Variants in CPEB3 observed in about 807,000 individuals in gnomAD.
CPEB3 encodes the protein cytoplasmic polyadenylation element-binding protein 3.
In CPEB3, 20 loss-of-function variants were observed where a neutral mutation model predicts 67.2. The observed-to-expected ratio is 0.30, with a 90% CI of 0.21 to 0.43. CPEB3 has a LOEUF of 0.43. Ranked by LOEUF, CPEB3 falls within the 20% of genes least tolerant of loss-of-function variation. CPEB3 has a pLI of 1.00. For synonymous variants in CPEB3, 376 were observed against 393.1 expected (o/e 0.96, Z 0.51); for missense variants, 746 against 968.6 (o/e 0.77, Z 3.05).
chr10:92,291,027 C>T lies in CPEB3; in HGVS notation c.-113G>A. On this transcript the variant is annotated 5_prime_UTR_variant, in exon 1 of 10. Coordinates refer to ENST00000265997, the MANE Select transcript of CPEB3 (RefSeq NM_014912.5). ...GAGGAAGGAAACGGGAGGGCGCCGGCCAGACGGCGGCAGGCGCGGAGGCGT... is the reference window on the plus strand; with the variant it reads ...GAGGAAGGAAACGGGAGGGCGCCGGTCAGACGGCGGCAGGCGCGGAGGCGT... 1 of 170,460 alleles carries T rather than the reference C, an allele frequency of 5.9e-6. No individual in the cohort carries two copies. Among genetic ancestry groups the T allele is most frequent in the Non-Finnish European group, 1.3e-5 (1 of 79,488 alleles). The allele number at this position is 170,460 out of a possible 1,614,324, so 10.6% of individuals were successfully genotyped here.
chr10:92,268,717 G>A (rs1853169803), intron 1 of CPEB3, among the ~76,000 whole-genome samples: 3 of 151,958 alleles, frequency 2.0e-5, no homozygotes. Flanking sequence ...TTTAATTTGG[G>A]TACATTTTTG....
At chr10:92,086,300 C>G (rs1284857981) in intron 8 of CPEB3, among the ~76,000 whole-genome samples, 1 of 152,194 alleles carries the variant, frequency 6.6e-6, no homozygotes, top group African/African-American at 2.4e-5. Flanking sequence ...CCACAATTGT[C>G]AAGTTGGTTC....
At chr10:92,100,972 T>C (rs923871818) in intron 7 of CPEB3, among the ~76,000 whole-genome samples, 1 of 152,332 alleles carries the variant, frequency 6.6e-6, no homozygotes, top group Admixed American at 6.5e-5. Flanking sequence ...TTCTCTCAGT[T>C]ACAATTTAGT....
intron 4 of CPEB3, among the ~76,000 whole-genome samples, chr10:92,150,256 C>CT (rs1191378027): frequency 0.016 from 2,362 of 144,272 alleles, 45 homozygotes; most frequent in African/African-American, 0.055. Flanking sequence ...CTCTCTCTCT[C>CT]TTTTTTTTTT....
At chr10:92,147,144 G>A (rs768910263) in intron 4 of CPEB3, among the ~76,000 whole-genome samples, 4 of 152,082 alleles carry the variant, frequency 2.6e-5, no homozygotes, top group South Asian at 2.1e-4. Flanking sequence ...AAAAGGCTAC[G>A]AAAAGTTCTA....
intron 5 of CPEB3, among the ~76,000 whole-genome samples, chr10:92,143,680 T>C (rs962908931): frequency 6.6e-6 from 1 of 152,204 alleles, no homozygotes; most frequent in African/African-American, 2.4e-5. Context: ...TATAGATCAA[T>C]ACATTTATAT....
rs75346884 is a variant in CPEB3 at position 92,063,763 on chromosome 10, CAAA to C, written c.1870-11327_1870-11325del. The stretch of plus-strand genomic sequence containing the variant: ...TGGTGACAGAGCGAGACTCAGTATC[CAAA>C]AAAAAAAAAATCAGTCAGATATCTA... On this transcript the variant is annotated intron_variant, in intron 9 of 9. Transcript: ENST00000265997. Among the ~76,000 whole-genome samples, 298 of 135,032 alleles carry C rather than the reference CAAA, an allele frequency of 2.2e-3. 2 individuals carry two copies. The highest frequency in any genetic ancestry group is 7.9e-3 in the African/African-American group (290 of 36,654). The allele number at this position is 135,032 out of a possible 152,430, so 88.6% of individuals were successfully genotyped here.
At chr10:92,074,964 TC>T (rs34577202) in intron 9 of CPEB3, among the ~76,000 whole-genome samples, 41,690 of 151,866 alleles carry the variant, frequency 0.27, 5,820 homozygotes, top group Middle Eastern at 0.33. Flanking sequence ...CTATATATCC[TC>T]CTACTTGATT....
chr10:92,192,815 G>A (rs1245843673), intron 2 of CPEB3, among the ~76,000 whole-genome samples, 179 bp from the exon 3 acceptor site: 4 of 151,980 alleles, frequency 2.6e-5, no homozygotes, highest in African/African-American at 2.4e-5. Flanking sequence ...ATGGGGTCTC[G>A]CTATGTTTCC....
intron 2 of CPEB3, among the ~76,000 whole-genome samples, chr10:92,227,087 T>C (rs891101401): frequency 2.6e-5 from 4 of 152,176 alleles, no homozygotes; most frequent in Admixed American, 6.5e-5. Flanking sequence ...TGAAAACTAA[T>C]AGGCCCCTCC....
At chr10:92,129,862 C>T (rs1272100536) in intron 6 of CPEB3, among the ~76,000 whole-genome samples, 2 of 151,990 alleles carry the variant, frequency 1.3e-5, no homozygotes, top group Non-Finnish European at 2.9e-5. Flanking sequence ...GGCAACAGAG[C>T]AAGACTCTGT....
At chr10:92,180,225 TCAAA>T (rs1848402583) in intron 4 of CPEB3, among the ~76,000 whole-genome samples, 1 of 152,168 alleles carries the variant, frequency 6.6e-6, no homozygotes, top group Non-Finnish European at 1.5e-5. Context: ...TAGAACTTGA[TCAAA>T]CAATTATACT....
chr10:92,172,723 C>T (rs1349739644), intron 4 of CPEB3, among the ~76,000 whole-genome samples: 6 of 152,196 alleles, frequency 3.9e-5, no homozygotes, highest in Non-Finnish European at 5.9e-5. Context: ...CAGTTTCACA[C>T]ACTACTCTAT....
Position 92,089,473 on chromosome 10 carries a change from AT to A in CPEB3, c.1687+2356del, listed in dbSNP as rs1843522138. 2.6e-5 allele frequency among the ~76,000 whole-genome samples: 4 copies of A among 152,222 alleles called. No individual in the cohort carries two copies. The South Asian group carries it at 8.3e-4, about 32-fold the overall frequency. On this transcript the variant is annotated intron_variant, in intron 8 of 9. Transcript: ENST00000265997. ...AAAACAAAACATTTTAAAACAAAAA[AT>A]TTTAGCTTAGTTGAAAAAAAAGAGA...
chr10:92,091,789 G>T, intron 8 of CPEB3, 41 bp downstream of exon 8: 1 of 1,233,820 alleles, frequency 8.1e-7, no homozygotes. Flanking sequence ...GGATTTTGTT[G>T]TTGTTGGTTT....
At chr10:92,216,426 A>T in intron 2 of CPEB3, 4 of 1,612,644 alleles carry the variant, frequency 2.5e-6, no homozygotes, top group African/African-American at 1.3e-5. Context: ...GTCAACCAGA[A>T]CCCCATCGCG....
In CPEB3 at chr10:92,240,148, G is replaced by A; in HGVS notation, c.203C>T (p.Pro68Leu). The change falls in exon 2 of 10, where the codon CCG (proline) becomes CTG (leucine). Residue 68 changes from proline to leucine, a missense_variant. Physicochemically the swap from Pro to Leu is moderately conservative, Grantham distance 98. Coordinates refer to ENST00000265997, the MANE Select transcript of CPEB3 (RefSeq NM_014912.5). ...CGGTGATTCCATCTGCATCTTGTCC[G>A]GGCCGTTGGGGGCCGGGGGGGCAGC... The part of the protein sequence containing the change: ...PAAAPPAPNG[P>L]DKMQMESPLL... 4 of 1,556,876 alleles carry A rather than the reference G, an allele frequency of 2.6e-6. No individual in the cohort carries two copies. Among genetic ancestry groups the A allele is most frequent in the Non-Finnish European group, 3.5e-6 (4 of 1,149,972 alleles).
At chr10:92,121,650 G>GT (rs1564797559) in intron 6 of CPEB3, among the ~76,000 whole-genome samples, 1 of 148,694 alleles carries the variant, frequency 6.7e-6, no homozygotes, top group African/African-American at 2.5e-5. Flanking sequence ...TGATGTATTT[G>GT]TTTCAAGTAC....
At chr10:92,052,827 T>C (rs1841950963) in intron 9 of CPEB3, among the ~76,000 whole-genome samples, 1 of 152,148 alleles carries the variant, frequency 6.6e-6, no homozygotes, top group Non-Finnish European at 1.5e-5. Flanking sequence ...AGCTGAATCC[T>C]GAAAGCCGGG....
Sources: gnomAD v4.1 joint callset for allele counts (sites outside exome capture counted in the v4.1 genomes callset) on GRCh38, gnomAD v4.1.1 for gene constraint, MANE v1.5 for transcripts, NCBI Gene and HGNC (gene_info 2026-07-23, HGNC 2026-07-21) for gene names.